Variants in RAB3C observed in about 807,000 individuals in gnomAD.
RAB3C encodes the protein ras-related protein Rab-3C.
In RAB3C, 17 loss-of-function variants were observed where a neutral mutation model predicts 26.4. The observed-to-expected ratio is 0.64, with a 90% CI of 0.44 to 0.97. The LOEUF (loss-of-function observed/expected upper bound fraction) is 0.97. Among genes scored for constraint, RAB3C ranks in the 50% least tolerant of loss-of-function variants. The pLI is 0.00. For missense variants in RAB3C, 242 were observed against 281.9 expected (o/e 0.86, Z 1.01); for synonymous variants, 91 against 95.9 (o/e 0.95, Z 0.30).
At chr5:58,616,650 A>T (rs1011529231) in intron 1 of RAB3C, among the ~76,000 whole-genome samples, 3 of 152,164 alleles carry the variant, frequency 2.0e-5, no homozygotes, top group Admixed American at 6.6e-5. Flanking sequence ...TGTATCATCT[A>T]TTATTTTCAC....
chr5:58,736,488 G>T (rs908621728), intron 3 of RAB3C, among the ~76,000 whole-genome samples: 10 of 152,154 alleles, frequency 6.6e-5, no homozygotes, highest in African/African-American at 2.4e-4. Flanking sequence ...TGAGCAGCCC[G>T]CTCTGCCTCA....
chr5:58,625,796 G>A (rs1747039281), intron 2 of RAB3C, among the ~76,000 whole-genome samples: 1 of 151,256 alleles, frequency 6.6e-6, no homozygotes, highest in Admixed American at 6.6e-5. Flanking sequence ...GGTGGAGGTT[G>A]CAGTGAGCCG....
At chr5:58,716,029 T>TAA (rs35408476) in intron 2 of RAB3C, among the ~76,000 whole-genome samples, 2,798 of 110,810 alleles carry the variant, frequency 0.025, 27 homozygotes, top group Non-Finnish European at 0.039. Flanking sequence ...TAAAGTACAA[T>TAA]AAAAAAAAAA....
At chr5:58,762,007 C>G (rs1384356033) in intron 3 of RAB3C, among the ~76,000 whole-genome samples, 1 of 150,748 alleles carries the variant, frequency 6.6e-6, no homozygotes, top group Non-Finnish European at 1.5e-5. Context: ...GAAACATCAT[C>G]TGAGCCACAT....
intron 2 of RAB3C, among the ~76,000 whole-genome samples, chr5:58,699,879 C>T (rs551391685): frequency 6.6e-6 from 1 of 152,314 alleles, no homozygotes; most frequent in South Asian, 2.1e-4. Flanking sequence ...CACTGCTTCC[C>T]TTGGCTAGGA....
At chr5:58,723,695 T>G (rs1195428353) in intron 2 of RAB3C, among the ~76,000 whole-genome samples, 1 of 151,834 alleles carries the variant, frequency 6.6e-6, no homozygotes, top group Non-Finnish European at 1.5e-5. Context: ...AATTTCATTT[T>G]GATGGTAAAG....
In RAB3C at chr5:58,583,166, G is replaced by T; in HGVS notation, c.-43G>T. The T allele has an allele frequency of 6.2e-7, 1 of 1,614,008 alleles. No individual in the cohort carries two copies. The highest frequency in any genetic ancestry group is 1.1e-5 in the South Asian group (1 of 91,044). ...CTGTGCACGCTTGACCGGAAGCCCA[G>T]ACCAGTGCGGTCCTAGCCAGAGAGA... On this transcript the variant is annotated 5_prime_UTR_variant, in exon 1 of 5. Transcript: ENST00000282878.
chr5:58,839,360 T>A lies in RAB3C; in HGVS notation c.497-11804T>A, dbSNP rs188645315. Reference sequence around the variant, plus strand: ...ATGATAAGTTTTTATTTTATTTATTTATTTATTTATTTATTTATTTATTTT... The same window carrying A: ...ATGATAAGTTTTTATTTTATTTATTAATTTATTTATTTATTTATTTATTTT... On this transcript the variant is annotated intron_variant, in intron 4 of 4. Coordinates refer to ENST00000282878, the MANE Select transcript of RAB3C (RefSeq NM_138453.4). Among the ~76,000 whole-genome samples the A allele has an allele frequency of 2.1e-3, 312 of 150,404 alleles. 7 individuals are homozygous for A. In the East Asian group the frequency reaches 0.051, roughly 25 times the overall value.
intron 2 of RAB3C, among the ~76,000 whole-genome samples, chr5:58,646,193 GC>G (rs1747513547): frequency 6.6e-6 from 1 of 152,118 alleles, no homozygotes; most frequent in African/African-American, 2.4e-5. Context: ...TGAGTTAGGG[GC>G]CCCCTTTCTG....
intron 3 of RAB3C, among the ~76,000 whole-genome samples, chr5:58,738,844 C>T (rs946843837): frequency 6.6e-6 from 1 of 152,134 alleles, no homozygotes; most frequent in Non-Finnish European, 1.5e-5. Context: ...CTAGCATTTT[C>T]TAGCATTTTT....
intron 2 of RAB3C, among the ~76,000 whole-genome samples, chr5:58,648,404 C>T (rs1266516652): frequency 6.6e-6 from 1 of 152,158 alleles, no homozygotes; most frequent in Non-Finnish European, 1.5e-5. Context: ...AGAGAGATCA[C>T]AATCTAATAT....
chr5:58,829,266 T>A (rs1366445380), intron 4 of RAB3C, among the ~76,000 whole-genome samples: 1 of 152,198 alleles, frequency 6.6e-6, no homozygotes, highest in Admixed American at 6.5e-5. Flanking sequence ...AGAATGTTTT[T>A]AAATTCTATA....
intron 3 of RAB3C, among the ~76,000 whole-genome samples, chr5:58,810,349 A>G (rs1188312025): frequency 6.8e-6 from 1 of 147,700 alleles, no homozygotes; most frequent in Non-Finnish European, 1.5e-5. Flanking sequence ...CTACTGGTAC[A>G]AAAGTACTCT....
At chr5:58,705,596 TC>T (rs1231247152) in intron 2 of RAB3C, among the ~76,000 whole-genome samples, 1 of 152,158 alleles carries the variant, frequency 6.6e-6, no homozygotes, top group Non-Finnish European at 1.5e-5. Flanking sequence ...AGAGAAATTT[TC>T]TTTTGAGGGA....
intron 3 of RAB3C, among the ~76,000 whole-genome samples, chr5:58,803,952 C>T (rs550370121): frequency 2.0e-5 from 3 of 151,648 alleles, no homozygotes; most frequent in Admixed American, 6.6e-5. Flanking sequence ...CCCAGCTACT[C>T]GGGAGGCTGA....
intron 3 of RAB3C, among the ~76,000 whole-genome samples, chr5:58,730,350 G>T (rs1217151529): frequency 6.6e-6 from 1 of 151,988 alleles, no homozygotes; most frequent in Non-Finnish European, 1.5e-5. Context: ...AAAGAAAAAA[G>T]CCCTTTGGGG....
intron 4 of RAB3C, 115 bp downstream of exon 4, chr5:58,825,277 G>A: frequency 1.7e-6 from 2 of 1,153,398 alleles, no homozygotes; most frequent in Non-Finnish European, 2.3e-6. Flanking sequence ...GTCAATCTAA[G>A]AGTGGAAAGC....
chr5:58,607,561 A>G (rs1746599759), intron 1 of RAB3C, among the ~76,000 whole-genome samples: 1 of 152,160 alleles, frequency 6.6e-6, no homozygotes, highest in Admixed American at 6.5e-5. Context: ...AAATACAGAG[A>G]ACACCACAAA....
intron 2 of RAB3C, among the ~76,000 whole-genome samples, chr5:58,676,841 A>T (rs1379245502): frequency 6.6e-6 from 1 of 152,030 alleles, no homozygotes; most frequent in East Asian, 1.9e-4. Context: ...AGTTTTAGGT[A>T]CTCAAAATTA....
Sources: allele counts gnomAD v4.1 joint callset (sites outside exome capture counted in the v4.1 genomes callset), GRCh38; gene constraint gnomAD v4.1.1; transcripts MANE v1.5; gene names NCBI Gene and HGNC (gene_info 2026-07-23, HGNC 2026-07-21).